The following NCAM2 variants were observed in gnomAD, a reference collection of about 807,000 sequenced individuals.
The protein encoded by NCAM2 is neural cell adhesion molecule 2, also known as N-CAM-2.
Under a neutral mutation model 98.1 loss-of-function variants are expected in NCAM2, and 30 were observed. The observed-to-expected ratio is 0.31, with a 90% CI of 0.23 to 0.41. The LOEUF (loss-of-function observed/expected upper bound fraction) is 0.41, where lower values mean the gene tolerates loss of function less well. Among genes scored for constraint, NCAM2 ranks in the 10% least tolerant of loss-of-function variants. The pLI is 1.00. For synonymous variants in NCAM2, 368 were observed against 342.4 expected, an observed-to-expected ratio of 1.07 and a Z score of -0.83; for missense variants, 867 against 1,005.8, an observed-to-expected ratio of 0.86 and a Z score of 1.87.
At chr21:21,378,187 T>C (rs1228556999) in intron 9 of NCAM2, among the ~76,000 whole-genome samples, 2 of 145,078 alleles carry the variant, frequency 1.4e-5, no homozygotes, top group Admixed American at 7.0e-5. Flanking sequence ...TTTTTTTTTT[T>C]CCTTTGGGTA....
intron 1 of NCAM2, among the ~76,000 whole-genome samples, chr21:21,124,186 C>G (rs1460923109): frequency 6.6e-6 from 1 of 152,054 alleles, no homozygotes; most frequent in Non-Finnish European, 1.5e-5. Context: ...TTATCTTTGA[C>G]AAATGTAAGG....
intron 1 of NCAM2, among the ~76,000 whole-genome samples, chr21:21,130,047 CTTCTT>C (rs2066903669): frequency 6.6e-6 from 1 of 152,068 alleles, no homozygotes; most frequent in African/African-American, 2.4e-5. Flanking sequence ...ATGGACCTCT[CTTCTT>C]ACTCTAAATA....
chr21:21,185,574 C>T (rs182189751), intron 1 of NCAM2, among the ~76,000 whole-genome samples: 10 of 152,230 alleles, frequency 6.6e-5, no homozygotes, highest in East Asian at 1.9e-4. Flanking sequence ...GTCAGCCATA[C>T]GATCACTTTG....
At chr21:21,039,444 C>T (rs988557017) in intron 1 of NCAM2, among the ~76,000 whole-genome samples, 1 of 152,096 alleles carries the variant, frequency 6.6e-6, no homozygotes, top group African/African-American at 2.4e-5. Flanking sequence ...GAAGAAAGAA[C>T]ATGAAATGTT....
rs1207269077 is a variant in NCAM2, at chr21:21,196,863, A to G, written c.56-83715A>G. On this transcript the variant is annotated intron_variant, in intron 1 of 17. Transcript: ENST00000400546. ...GGATCATGGGGGCCGTTTCTCATGA[A>G]TGATTTAACATCGTCCCCTTCAGTG... Among the ~76,000 whole-genome samples the G allele has an allele frequency of 2.0e-5, 3 of 152,104 alleles. No individual in the cohort carries two copies. The East Asian group carries it at 5.8e-4, about 29-fold the overall frequency.
At chr21:21,385,676 G>C in intron 9 of NCAM2, 1 of 1,283,990 alleles carries the variant, frequency 7.8e-7, no homozygotes, top group South Asian at 1.2e-5. Flanking sequence ...TAAGAAGCAG[G>C]AATTGAACTA....
chr21:21,397,499 G>A (rs1172204693), intron 9 of NCAM2, among the ~76,000 whole-genome samples: 1 of 152,178 alleles, frequency 6.6e-6, no homozygotes, highest in Non-Finnish European at 1.5e-5. Flanking sequence ...TGGTGTGTCA[G>A]CACCTCCTTG....
chr21:21,333,439 C>G (rs1005719068), intron 6 of NCAM2, among the ~76,000 whole-genome samples: 8 of 152,112 alleles, frequency 5.3e-5, no homozygotes, highest in African/African-American at 9.7e-5. Context: ...AGTTGTAAGT[C>G]CACTAATGGA....
chr21:21,101,096 T>C (rs2066231433), intron 1 of NCAM2, among the ~76,000 whole-genome samples: 1 of 152,050 alleles, frequency 6.6e-6, no homozygotes, highest in Non-Finnish European at 1.5e-5. Flanking sequence ...GAGAATAATA[T>C]TTAATTCATG....
chr21:21,500,233 A>C (rs948676130), intron 15 of NCAM2, among the ~76,000 whole-genome samples: 1 of 152,078 alleles, frequency 6.6e-6, no homozygotes, highest in African/African-American at 2.4e-5. Flanking sequence ...ATTTGCCATG[A>C]TTTTTCTCTT....
chr21:21,051,100 C>T (rs970539177), intron 1 of NCAM2, among the ~76,000 whole-genome samples: 1 of 152,148 alleles, frequency 6.6e-6, no homozygotes, highest in Admixed American at 6.5e-5. Context: ...ATGTCAACAG[C>T]AGATTTTAAT....
chr21:21,280,238 C>T (rs3737412), intron 1 of NCAM2, among the ~76,000 whole-genome samples: 13 of 151,668 alleles, frequency 8.6e-5, no homozygotes, highest in Admixed American at 7.9e-4. Context: ...GGGCAAACAT[C>T]TTTTTTTTAG....
intron 8 of NCAM2, among the ~76,000 whole-genome samples, chr21:21,346,380 A>G (rs2075189783): frequency 6.6e-6 from 1 of 152,104 alleles, no homozygotes; most frequent in African/African-American, 2.4e-5. Flanking sequence ...GAACCCAGAT[A>G]CATAATGGAA....
At chr21:21,120,168 G>A (rs564147926) in intron 1 of NCAM2, among the ~76,000 whole-genome samples, 1 of 152,178 alleles carries the variant, frequency 6.6e-6, no homozygotes, top group Non-Finnish European at 1.5e-5. Flanking sequence ...TTATTAGTTT[G>A]TTAGGTAGAA....
intron 1 of NCAM2, among the ~76,000 whole-genome samples, chr21:21,193,116 A>G (rs2068879897): frequency 6.6e-6 from 1 of 152,208 alleles, no homozygotes; most frequent in African/African-American, 2.4e-5. Flanking sequence ...CAAGGTAACT[A>G]TCCCCATCTC....
chr21:21,509,182 T>G lies in NCAM2; in HGVS notation c.2282+127T>G, dbSNP rs186443867. On this transcript the variant is annotated intron_variant, in intron 16 of 17. Transcript: ENST00000400546. The stretch of plus-strand genomic sequence containing the variant: ...AGTTTGATTATGCAACATTGGACAC[T>G]GCACTGCCTGCTCTCTGACCTTGAA... The G allele has an allele frequency of 1.2e-5, 9 of 744,030 alleles. No homozygotes were observed. In the Admixed American group the frequency reaches 2.4e-4, roughly 20 times the overall value. 46.1% of individuals were successfully genotyped at this position (744,030 alleles called of 1,614,324 possible).
At chr21:21,138,745 G>T (rs1413420053) in intron 1 of NCAM2, among the ~76,000 whole-genome samples, 1 of 151,980 alleles carries the variant, frequency 6.6e-6, no homozygotes, top group African/African-American at 2.4e-5. Context: ...AATTAAAACT[G>T]AGTTTTATAG....
chr21:21,419,655 C>A (rs1419109963), intron 11 of NCAM2, among the ~76,000 whole-genome samples: 6 of 151,664 alleles, frequency 4.0e-5, no homozygotes, highest in Non-Finnish European at 8.8e-5. Flanking sequence ...ATGATGGTTT[C>A]CAGTTTCATC....
At chr21:21,383,381 C>T (rs761913237) in intron 9 of NCAM2, among the ~76,000 whole-genome samples, 1 of 152,168 alleles carries the variant, frequency 6.6e-6, no homozygotes, top group Non-Finnish European at 1.5e-5. Context: ...AGATTACCCT[C>T]ACACTCTCCA....
Sources: gnomAD v4.1 joint callset for allele counts (sites outside exome capture counted in the v4.1 genomes callset) on GRCh38, gnomAD v4.1.1 for gene constraint, MANE v1.5 for transcripts, NCBI Gene and HGNC (gene_info 2026-07-23, HGNC 2026-07-21) for gene names.